RSRC2: variants seen among roughly 807,000 people sequenced by gnomAD.
RSRC2 encodes the protein arginine/serine-rich coiled-coil protein 2.
Under a neutral mutation model 61.3 loss-of-function variants are expected in RSRC2, and 5 were observed. That is an observed-to-expected ratio of 0.08 (90% CI 0.04 to 0.17). The LOEUF (loss-of-function observed/expected upper bound fraction) is 0.17, where lower values mean the gene tolerates loss of function less well. RSRC2 is among the 10% of genes least tolerant of loss of function. The pLI is 1.00. For missense variants in RSRC2, 381 were observed against 518.8 expected, an observed-to-expected ratio of 0.73 and a Z score of 2.58; for synonymous variants, 202 against 166.5, an observed-to-expected ratio of 1.21 and a Z score of -1.64.
intron 9 of RSRC2, 145 bp from the exon 10 acceptor site, chr12:122,505,851 T>A (rs1958081463): frequency 1.5e-6 from 1 of 645,486 alleles, no homozygotes; most frequent in Non-Finnish European, 2.6e-6. Flanking sequence ...CCATCTCGGC[T>A]CACTGCAACC....
intron 6 of RSRC2, chr12:122,514,049 G>T (rs1238759798): frequency 6.6e-6 from 1 of 151,890 alleles, no homozygotes; most frequent in African/African-American, 2.4e-5. Flanking sequence ...CCTTAATTTT[G>T]TAACGAGAGA....
chr12:122,518,708 AC>A lies in RSRC2; in HGVS notation c.398+130del. ...AGCAAAGCCCAAAGGCAAAAAACAA[AC>A]AAAACCACAAACCCAAACAAACGAA... On this transcript the variant is annotated intron_variant, in intron 4 of 9. Transcript: ENST00000331738. 1.8e-5 allele frequency: 14 copies of A among 786,818 alleles called. 1 individual carries two copies. In the South Asian group the frequency reaches 2.2e-4, roughly 13 times the overall value. 48.7% of individuals were successfully genotyped at this position (786,818 alleles called of 1,614,324 possible).
chr12:122,517,206 T>C (rs1959005233), intron 5 of RSRC2, 21 bp downstream of exon 5: 1 of 1,613,906 alleles, frequency 6.2e-7, no homozygotes, highest in Non-Finnish European at 8.5e-7. Context: ...TTAAATTTTA[T>C]TCAGGATGAT....
chr12:122,511,368 C>T (rs1958497134), intron 6 of RSRC2, among the ~76,000 whole-genome samples, 180 bp from the exon 7 acceptor site: 1 of 151,998 alleles, frequency 6.6e-6, no homozygotes. Flanking sequence ...ATATAAGCTA[C>T]ATTTGAAGAA....
intron 6 of RSRC2, chr12:122,514,039 C>T (rs1182712062): frequency 6.6e-6 from 1 of 152,126 alleles, no homozygotes; most frequent in Non-Finnish European, 1.5e-5. Context: ...AAACAAAACA[C>T]CTTAATTTTG....
At chr12:122,526,306 T>C (rs902378162) in intron 1 of RSRC2, 21 of 153,092 alleles carry the variant, frequency 1.4e-4, no homozygotes. Flanking sequence ...AGCTCGTTAA[T>C]ACACAATAAT....
intron 8 of RSRC2, among the ~76,000 whole-genome samples, chr12:122,507,607 T>G (rs537070951): frequency 6.6e-6 from 1 of 152,280 alleles, no homozygotes; most frequent in South Asian, 2.1e-4. Context: ...AAAGCTTGAC[T>G]TCAATCAATT....
Position 122,522,248 on chromosome 12 carries a change from T to C in RSRC2, c.58A>G (p.Arg20Gly), listed in dbSNP as rs780058032. 4 of 1,613,876 alleles carry C rather than the reference T, an allele frequency of 2.5e-6. No individual in the cohort carries two copies. The highest frequency in any genetic ancestry group is 1.7e-5 in the Admixed American group (1 of 59,970). Residue 20 changes from arginine (R) to glycine (G), a missense_variant, in exon 2 of 10, where the codon AGA (arginine) becomes GGA (glycine). Around this residue, in one of 4 missense-constraint regions of RSRC2, gnomAD observed 266 missense variants for 270.5 expected, o/e 0.98. Transcript: ENST00000331738. ...GLAPEKTSPD[R>G]DKKKEQSEVS... is the part of the protein sequence containing the mutation. ...TCTGACTGCTCTTTTTTCTTATCTC[T>C]ATCTGGTGATGTCTTTTCTGGGGCT...
chr12:122,514,228 T>C (rs145495393), intron 6 of RSRC2, among the ~76,000 whole-genome samples: 306 of 151,956 alleles, frequency 2.0e-3, no homozygotes, highest in African/African-American at 7.1e-3. Context: ...TACTCATCTT[T>C]GAAACAGCAG....
chr12:122,518,592 C>CAA (rs11417312), intron 4 of RSRC2, among the ~76,000 whole-genome samples: 6,273 of 144,224 alleles, frequency 0.043, 448 homozygotes, highest in African/African-American at 0.15. Flanking sequence ...GACTCCGTGT[C>CAA]AAAAAAAAAA....
At chr12:122,521,477 A>G (rs775599931) in intron 2 of RSRC2, 49 bp from the exon 3 acceptor site, 21 of 1,517,784 alleles carry the variant, frequency 1.4e-5, no homozygotes, top group Non-Finnish European at 1.6e-5. Flanking sequence ...TTGGAGAAAC[A>G]TTTCATCTTA....
chr12:122,516,356 A>G (rs1291325641), intron 5 of RSRC2, among the ~76,000 whole-genome samples: 1 of 152,210 alleles, frequency 6.6e-6, no homozygotes, highest in Non-Finnish European at 1.5e-5. Context: ...TCCTCCCACC[A>G]ATCAAGATAA....
chr12:122,507,004 TAAA>T, intron 8 of RSRC2, 81 bp from the exon 9 acceptor site: 2 of 594,464 alleles, frequency 3.4e-6, no homozygotes, highest in South Asian at 2.1e-5. Context: ...ATGTCTAAAT[TAAA>T]AAAAAAAACA....
At chr12:122,526,535 A>G (rs1158746073) in intron 1 of RSRC2, among the ~76,000 whole-genome samples, 1 of 152,152 alleles carries the variant, frequency 6.6e-6, no homozygotes, top group Admixed American at 6.5e-5. Context: ...AAAAAAACTT[A>G]GAATAAATCA....
chr12:122,509,357 G>C (rs1429557732), intron 7 of RSRC2, among the ~76,000 whole-genome samples: 1 of 151,938 alleles, frequency 6.6e-6, no homozygotes, highest in East Asian at 1.9e-4. Flanking sequence ...GGCTGAGGCA[G>C]GAGAATCACT....
At chr12:122,514,753 G>C in intron 6 of RSRC2, 1 of 1,126,394 alleles carries the variant, frequency 8.9e-7, no homozygotes, top group Non-Finnish European at 1.2e-6. Context: ...AAAACAAAAA[G>C]TAAAGGAAAA....
At chr12:122,519,411 GATA>G (rs949325741) in intron 3 of RSRC2, 32 of 165,794 alleles carry the variant, frequency 1.9e-4, no homozygotes, top group African/African-American at 6.0e-4. Context: ...AAGTAATGGA[GATA>G]ATGACACAAA....
chr12:122,508,885 G>A (rs936537173), intron 7 of RSRC2, among the ~76,000 whole-genome samples: 1 of 152,002 alleles, frequency 6.6e-6, no homozygotes, highest in Non-Finnish European at 1.5e-5. Flanking sequence ...GAACCCAAAA[G>A]GCGAAGGTTG....
At chr12:122,520,847 CCTTT>C (rs1303508891) in intron 3 of RSRC2, 7 of 247,742 alleles carry the variant, frequency 2.8e-5, no homozygotes, top group East Asian at 2.2e-4. Context: ...ACAGCTGCTG[CCTTT>C]CTTTTTCCTC....
Sources: allele counts gnomAD v4.1 joint callset (sites outside exome capture counted in the v4.1 genomes callset), GRCh38; gene constraint gnomAD v4.1.1; regional missense constraint gnomAD v4.1.1; transcripts MANE v1.5; gene names NCBI Gene and HGNC (gene_info 2026-07-23, HGNC 2026-07-21).